Variants in TMEM192 observed in about 807,000 individuals in gnomAD.
The protein encoded by TMEM192 is transmembrane protein 192.
Under a neutral mutation model 26.7 loss-of-function variants are expected in TMEM192, and 20 were observed. The ratio of observed to expected loss-of-function variants is 0.75; its 90% CI spans 0.53 to 1.09. The LOEUF is 1.09. TMEM192 is among the 50% of genes least tolerant of loss of function. The pLI is 0.00. For missense variants in TMEM192, 304 were observed against 322.6 expected, an observed-to-expected ratio of 0.94 and a Z score of 0.44; for synonymous variants, 124 against 121.0, an observed-to-expected ratio of 1.02 and a Z score of -0.16.
At position 165,071,228 on chromosome 4, in the gene TMEM192, G is replaced by A. The variant is rs543901107; in HGVS notation, c.*8430C>T. 2.6e-5 allele frequency: 4 copies of A among 152,056 alleles called. No homozygotes were observed. The highest frequency in any genetic ancestry group is 2.1e-4 in the South Asian group (1 of 4,818). The allele number at this position is 152,056 out of a possible 1,614,324, so 9.4% of individuals were successfully genotyped here. The stretch of plus-strand genomic sequence containing the variant: ...AGCAATATACTATAATAAAAGTTAC[G>A]TGTGGTGGTGTGGTGCACATCTATA... On this transcript the variant is annotated 3_prime_UTR_variant, in exon 6 of 6. Transcript: ENST00000306480.
At chr4:165,107,431 C>G (rs1477498426) in intron 1 of TMEM192, among the ~76,000 whole-genome samples, 1 of 152,100 alleles carries the variant, frequency 6.6e-6, no homozygotes, top group Non-Finnish European at 1.5e-5. Context: ...CCGTGCCCCC[C>G]TCCCCAGGCT....
chr4:165,089,173 T>C (rs546030560), intron 3 of TMEM192, among the ~76,000 whole-genome samples: 24 of 150,988 alleles, frequency 1.6e-4, no homozygotes, highest in African/African-American at 5.4e-4. Context: ...CTACTGGGAA[T>C]AGACTGAAGG....
At chr4:165,097,119 CT>C (rs1734925893) in intron 3 of TMEM192, among the ~76,000 whole-genome samples, 1 of 152,154 alleles carries the variant, frequency 6.6e-6, no homozygotes, top group South Asian at 2.1e-4. Context: ...CTATAAACTG[CT>C]TCACGCTGAT....
intron 3 of TMEM192, among the ~76,000 whole-genome samples, chr4:165,095,671 G>C (rs1734877071): frequency 6.6e-6 from 1 of 152,140 alleles, no homozygotes. Context: ...GGACCCACAT[G>C]ATGGGTTGAA....
rs576497956 is a variant in TMEM192 at position 165,107,982 on chromosome 4, G to A, written c.27+4765C>T. ...ACATGCTATTTCTAGCCTATGTCAT[G>A]TCTGAATCAGTTTCAGTGGACTCAG... is the stretch of plus-strand genomic sequence containing the variant. On this transcript the variant is annotated intron_variant, in intron 1 of 5. Coordinates refer to ENST00000306480, the MANE Select transcript of TMEM192 (RefSeq NM_001100389.2). 1.6e-3 allele frequency among the ~76,000 whole-genome samples: 248 copies of A among 152,184 alleles called. 1 individual carries two copies. Among genetic ancestry groups the A allele is most frequent in the Non-Finnish European group, 2.9e-3 (195 of 68,010 alleles).
chr4:165,086,498 C>A (rs1382382604), intron 4 of TMEM192, among the ~76,000 whole-genome samples: 1 of 149,418 alleles, frequency 6.7e-6, no homozygotes, highest in African/African-American at 2.5e-5. Flanking sequence ...TGGCTCACTG[C>A]AACCTCTGTC....
At position 165,073,738 on chromosome 4, in the gene TMEM192, C is replaced by T. The variant is rs1734316363; in HGVS notation, c.*5920G>A. On this transcript the variant is annotated 3_prime_UTR_variant, in exon 6 of 6. Transcript: ENST00000306480. Reference sequence around the variant, plus strand: ...GGCTGGAGGCGAGATATGCTGGCAGCAATACTGCTCTGTTACTCTTTGCTA... The same window carrying T: ...GGCTGGAGGCGAGATATGCTGGCAGTAATACTGCTCTGTTACTCTTTGCTA... The T allele has an allele frequency of 6.6e-6, 1 of 152,046 alleles. No individual in the cohort carries two copies. Among genetic ancestry groups the T allele is most frequent in the Admixed American group, 6.6e-5 (1 of 15,228 alleles). 9.4% of individuals were successfully genotyped at this position (152,046 alleles called of 1,614,324 possible).
intron 3 of TMEM192, 86 bp downstream of exon 3, chr4:165,100,542 G>T: frequency 2.8e-6 from 4 of 1,427,708 alleles, no homozygotes; most frequent in South Asian, 2.8e-5. Context: ...GAATATATTT[G>T]ATTCTAAAAT....
chr4:165,097,951 G>A (rs1325408948), intron 3 of TMEM192, among the ~76,000 whole-genome samples: 2 of 151,850 alleles, frequency 1.3e-5, no homozygotes, highest in Non-Finnish European at 2.9e-5. Context: ...CTCCTGAGTA[G>A]CTGGAATTAC....
At chr4:165,103,276 A>G (rs1735086693) in intron 1 of TMEM192, among the ~76,000 whole-genome samples, 180 bp from the exon 2 acceptor site, 2 of 151,910 alleles carry the variant, frequency 1.3e-5, no homozygotes, top group Admixed American at 1.3e-4. Flanking sequence ...TAATTAAAAA[A>G]TTAATTAATT....
At chr4:165,084,543 T>C (rs1734564658) in intron 5 of TMEM192, among the ~76,000 whole-genome samples, 1 of 152,066 alleles carries the variant, frequency 6.6e-6, no homozygotes, top group South Asian at 2.1e-4. Flanking sequence ...TGTCTGTTGC[T>C]ATCCACTTCA....
At chr4:165,080,509 G>A (rs1457177545) in intron 5 of TMEM192, among the ~76,000 whole-genome samples, 1 of 151,954 alleles carries the variant, frequency 6.6e-6, no homozygotes, top group East Asian at 1.9e-4. Flanking sequence ...GCCTATTCAA[G>A]AAATAAAATG....
At chr4:165,087,341 G>A (rs1578901636) in intron 4 of TMEM192, among the ~76,000 whole-genome samples, 1 of 152,122 alleles carries the variant, frequency 6.6e-6, no homozygotes, top group African/African-American at 2.4e-5. Flanking sequence ...ACCTAACCAA[G>A]GCAGTGGCAG....
intron 1 of TMEM192, among the ~76,000 whole-genome samples, chr4:165,110,280 C>CT (rs2110804926): frequency 6.6e-6 from 1 of 152,284 alleles, no homozygotes; most frequent in African/African-American, 2.4e-5. Context: ...GACAATAACT[C>CT]TATTTCCTTT....
In TMEM192 at chr4:165,070,776, C is replaced by G. The variant is rs1734259458; in HGVS notation, c.*8882G>C. On this transcript the variant is annotated 3_prime_UTR_variant, in exon 6 of 6. Coordinates refer to ENST00000306480, the MANE Select transcript of TMEM192 (RefSeq NM_001100389.2). ...CTGGATTACAGGAACAGGCTTTGAG[C>G]ATGTGTGAGCATAGTTTTTCTACTA... 1 of 152,176 alleles carries G rather than the reference C, an allele frequency of 6.6e-6. No individual in the cohort carries two copies. The highest frequency in any genetic ancestry group is 1.5e-5 in the Non-Finnish European group (1 of 68,028). 9.4% of individuals were successfully genotyped at this position (152,176 alleles called of 1,614,324 possible).
At position 165,103,145 on chromosome 4, in the gene TMEM192, T is replaced by C. The variant is rs745569906; in HGVS notation, c.28-49A>G. 2.6e-6 allele frequency: 4 copies of C among 1,524,288 alleles called. No individual in the cohort carries two copies. The South Asian group carries it at 5.3e-5, about 20-fold the overall frequency. The allele number at this position is 1,524,288 out of a possible 1,614,324, so 94.4% of individuals were successfully genotyped here. A position where few individuals can be genotyped will look rare whatever the true frequency, so the allele number is the denominator to read the frequency against. On this transcript the variant is annotated intron_variant, in intron 1 of 5. Coordinates refer to ENST00000306480, the MANE Select transcript of TMEM192 (RefSeq NM_001100389.2). The stretch of plus-strand genomic sequence containing the variant: ...CCTATAATCACCACTTTCTAGATTA[T>C]GTTTCTAAGACAAATCTACTAAACT...
chr4:165,088,809 C>G (rs1384548300), intron 3 of TMEM192, among the ~76,000 whole-genome samples: 1 of 151,926 alleles, frequency 6.6e-6, no homozygotes, highest in African/African-American at 2.4e-5. Flanking sequence ...GAAGTCAAGA[C>G]AAGAGGATTG....
intron 1 of TMEM192, among the ~76,000 whole-genome samples, chr4:165,111,920 A>G (rs887423191): frequency 6.6e-6 from 1 of 152,190 alleles, no homozygotes; most frequent in Non-Finnish European, 1.5e-5. Flanking sequence ...TCAAGAGCAA[A>G]AATTTTATTA....
chr4:165,111,059 G>T (rs1258452763), intron 1 of TMEM192, among the ~76,000 whole-genome samples: 2 of 152,130 alleles, frequency 1.3e-5, no homozygotes, highest in African/African-American at 4.8e-5. Flanking sequence ...CCAATATGTG[G>T]TTGGTAGCAA....
Sources: gnomAD v4.1 joint callset for allele counts (sites outside exome capture counted in the v4.1 genomes callset) on GRCh38, gnomAD v4.1.1 for gene constraint, MANE v1.5 for transcripts, NCBI Gene and HGNC (gene_info 2026-07-23, HGNC 2026-07-21) for gene names.